FBXL19: variants seen among roughly 807,000 people sequenced by gnomAD.
The protein encoded by FBXL19 is F-box/LRR-repeat protein 19.
A neutral mutation model predicts 71.2 loss-of-function variants in FBXL19; 16 were observed. That is an observed-to-expected ratio of 0.22 (90% CI 0.15 to 0.34). The LOEUF (loss-of-function observed/expected upper bound fraction) is 0.34, where lower values mean the gene tolerates loss of function less well. FBXL19 is among the 10% of genes least tolerant of loss of function. The pLI is 1.00. For synonymous variants in FBXL19, 447 were observed against 409.4 expected (o/e 1.09, Z -1.11); for missense variants, 658 against 968.2 (o/e 0.68, Z 4.25).
At chr16:30,928,346 C>T (rs1207843729) in intron 5 of FBXL19, 121 bp from the exon 6 acceptor site, 2 of 1,092,184 alleles carry the variant, frequency 1.8e-6, no homozygotes, top group Non-Finnish European at 1.3e-6. Context: ...TCAGAGTTAT[C>T]CCTGGGACGG....
At chr16:30,935,939 T>C (rs1803970009) in intron 7 of FBXL19, among the ~76,000 whole-genome samples, 1 of 152,122 alleles carries the variant, frequency 6.6e-6, no homozygotes, top group Non-Finnish European at 1.5e-5. Context: ...ATTCTCCAGC[T>C]TAGAAAGAAC....
In FBXL19 at chr16:30,927,430, C is replaced by T; in HGVS notation, c.300C>T (p.Ile100=). 1 of 1,591,582 alleles carries T rather than the reference C, an allele frequency of 6.3e-7. No individual in the cohort carries two copies. The highest frequency in any genetic ancestry group is 8.6e-7 in the Non-Finnish European group (1 of 1,169,070). The change falls in exon 3 of 11, where the codon ATC becomes ATT. Residue 100 remains isoleucine, a synonymous_variant. Transcript: ENST00000338343. ...TGGAGTGTACAATCTGCAACGAGAT[C>T]GTCCACCCCGGCTGCCTGAAGGTGA... ...SLMECTICNE[I]VHPGCLKMGK... is the part of the protein sequence containing the mutation.
intron 1 of FBXL19, 130 bp downstream of exon 1, chr16:30,924,589 C>T (rs550547781): frequency 1.3e-5 from 17 of 1,354,696 alleles, no homozygotes; most frequent in African/African-American, 9.2e-5. Flanking sequence ...TCATCTCCAG[C>T]CCTCCTTCCT....
At chr16:30,939,899 C>A (rs180811532) in intron 7 of FBXL19, among the ~76,000 whole-genome samples, 208 of 151,852 alleles carry the variant, frequency 1.4e-3, no homozygotes, top group African/African-American at 4.8e-3. Context: ...CTTGGGAGGC[C>A]AAGGGAAGGA....
chr16:30,927,848 C>A lies in FBXL19; in HGVS notation c.512C>A (p.Pro171His). 1.3e-6 allele frequency: 2 copies of A among 1,543,090 alleles called. No homozygotes were observed. Among genetic ancestry groups the A allele is most frequent in the African/African-American group, 1.4e-5 (1 of 72,812 alleles). The part of the protein sequence containing the change: ...KLTEEPPLPP[P>H]PPRRKGPLPA... ...ACAGAGGAGCCACCGCTTCCACCGC[C>A]CCCGCCCAGGCGCAAGGGCCCCCTG... Residue 171 changes from proline to histidine, a missense_variant, in exon 5 of 11, where the codon CCC (proline) becomes CAC (histidine). Pro to His is a moderately conservative substitution (Grantham distance 77). Transcript: ENST00000338343.
intron 7 of FBXL19, among the ~76,000 whole-genome samples, chr16:30,939,804 G>A (rs2055781806): frequency 6.6e-6 from 1 of 152,066 alleles, no homozygotes; most frequent in Non-Finnish European, 1.5e-5. Flanking sequence ...CTGGAGCTTG[G>A]GAATCACTGC....
chr16:30,931,780 G>T (rs1325535665), intron 7 of FBXL19, among the ~76,000 whole-genome samples: 2 of 151,948 alleles, frequency 1.3e-5, no homozygotes, highest in East Asian at 3.9e-4. Context: ...AGGTTAGAGT[G>T]CAGTGGCATG....
intron 5 of FBXL19, 126 bp from the exon 6 acceptor site, chr16:30,928,341 G>A: frequency 9.4e-7 from 1 of 1,058,612 alleles, no homozygotes; most frequent in Non-Finnish European, 1.3e-6. Flanking sequence ...CATGCTCAGA[G>A]TTATCCCTGG....
In FBXL19 at chr16:30,947,661, C is replaced by T. The variant is rs2055876079; in HGVS notation, c.*431C>T. Reference sequence around the variant, plus strand: ...CACCAAGGGTTCAGGGAACAAAGACCAGTTACTTGGAGTGGGGGGTGGGGG... The same window carrying T: ...CACCAAGGGTTCAGGGAACAAAGACTAGTTACTTGGAGTGGGGGGTGGGGG... On this transcript the variant is annotated 3_prime_UTR_variant, in exon 11 of 11. Coordinates refer to ENST00000338343, the MANE Select transcript of FBXL19 (RefSeq NM_001382779.1). 3 of 296,164 alleles carry T rather than the reference C, an allele frequency of 1.0e-5. No individual in the cohort carries two copies. Among genetic ancestry groups the T allele is most frequent in the South Asian group, 7.1e-5 (3 of 42,240 alleles). The allele number at this position is 296,164 out of a possible 1,614,324, so 18.3% of individuals were successfully genotyped here.
chr16:30,945,605 G>T (rs925251183), intron 9 of FBXL19, among the ~76,000 whole-genome samples: 1 of 150,908 alleles, frequency 6.6e-6, no homozygotes, highest in Non-Finnish European at 1.5e-5. Flanking sequence ...GGAAGTTGCA[G>T]TGAGCCGAGA....
chr16:30,930,401 G>A lies in FBXL19; in HGVS notation c.1118G>A (p.Arg373Gln), dbSNP rs762326822. 3.0e-5 allele frequency: 46 copies of A among 1,529,042 alleles called. No individual in the cohort carries two copies. The highest frequency in any genetic ancestry group is 3.8e-5 in the Non-Finnish European group (43 of 1,143,194). 94.7% of individuals were successfully genotyped at this position (1,529,042 alleles called of 1,614,324 possible). A position where few individuals can be genotyped will look rare whatever the true frequency, so the allele number is the denominator to read the frequency against. ...CCCCTGGGCCCAGCCCCACCACCCC[G>A]GCCTCCACAGCTGGAGCGGCACGTG... ...SWPLGPAPPP[R>Q]PPQLERHVVR... Residue 373 changes from arginine (R) to glutamine (Q), a missense_variant, in exon 7 of 11, where the codon CGG becomes CAG. Around this residue, in one of 8 missense-constraint regions of FBXL19, gnomAD observed 447 missense variants for 515.4 expected, o/e 0.87. Transcript: ENST00000338343. This position sits in a 1 kb window ranked among gnomAD's most constrained non-coding sequence, Gnocchi z 8.5.
At position 30,942,527 on chromosome 16, in the gene FBXL19, A is replaced by G. The variant is rs942893402; in HGVS notation, c.1618A>G (p.Thr540Ala). 5.7e-6 allele frequency: 9 copies of G among 1,588,122 alleles called. No homozygotes were observed. Among genetic ancestry groups the G allele is most frequent in the Non-Finnish European group, 7.7e-6 (9 of 1,166,988 alleles). The change falls in exon 9 of 11, where the codon ACC (threonine) becomes GCC (alanine). Residue 540 changes from threonine to alanine, a missense_variant. By Grantham distance (58) the Thr-to-Ala change is moderately conservative. Coordinates refer to ENST00000338343, the MANE Select transcript of FBXL19 (RefSeq NM_001382779.1). The surrounding 1 kb of genome is among the most constrained non-coding windows in gnomAD (Gnocchi z 5.7). ...GGAGTTGCTGCTGCCTCCACCAGAC[A>G]CCAAACCAGGTGCAACCTCTGTTTG... Reference protein sequence around the residue: ...LRELLLPPPDTKPGQTESRGR... With the variant: ...LRELLLPPPDAKPGQTESRGR...
rs377586993 is a variant in FBXL19 at position 30,928,597 on chromosome 16, G to A, written c.758G>A (p.Cys253Tyr). Residue 253 changes from cysteine (C) to tyrosine (Y), a missense_variant, in exon 6 of 11, where the codon TGC becomes TAC. This residue lies in a region of FBXL19 where 447 missense variants were observed against 515.4 expected (regional missense o/e 0.87). Transcript: ENST00000338343. Reference protein sequence around the residue: ...VLNPSQAFSSCHPGLPPENWE... With the variant: ...VLNPSQAFSSYHPGLPPENWE... ...AATCCGAGCCAGGCTTTCTCATCCT[G>A]CCACCCTGGGCTCCCTCCCGAGAAC... 6.3e-7 allele frequency: 1 copy of A among 1,598,610 alleles called. No individual in the cohort carries two copies. The highest frequency in any genetic ancestry group is 1.1e-5 in the South Asian group (1 of 89,122).
At position 30,930,515 on chromosome 16, in the gene FBXL19, G is replaced by A. The variant is rs567132400; in HGVS notation, c.1232G>A (p.Arg411His). The change falls in exon 7 of 11, where the codon CGC becomes CAC. Residue 411 changes from arginine to histidine, a missense_variant. Coordinates refer to ENST00000338343, the MANE Select transcript of FBXL19 (RefSeq NM_001382779.1). The surrounding 1 kb of genome is among the most constrained non-coding windows in gnomAD (Gnocchi z 8.5). Reference protein sequence around the residue: ...DHPLPRAAWLRVFQHLGPREL... With the variant: ...DHPLPRAAWLHVFQHLGPREL... ...CCCCTGCCCCGGGCCGCCTGGCTTCGCGTCTTCCAGCACCTCGGGCCGCGG... is the reference window on the plus strand; with the variant it reads ...CCCCTGCCCCGGGCCGCCTGGCTTCACGTCTTCCAGCACCTCGGGCCGCGG... The A allele has an allele frequency of 9.7e-5, 148 of 1,523,462 alleles. No homozygotes were observed. In the South Asian group the frequency reaches 1.3e-3, roughly 13 times the overall value. The allele number at this position is 1,523,462 out of a possible 1,614,324, so 94.4% of individuals were successfully genotyped here.
chr16:30,930,062 T>C lies in FBXL19; in HGVS notation c.790-11T>C. The C allele has an allele frequency of 1.2e-6, 2 of 1,607,422 alleles. No individual in the cohort carries two copies. The highest frequency in any genetic ancestry group is 1.3e-5 in the African/African-American group (1 of 74,860). Reference sequence around the variant, plus strand: ...AGGCCCTAGAACAGCATCAACCCTGTCTCCCTGCAGAAACCAAAGCCGCCT... The same window carrying C: ...AGGCCCTAGAACAGCATCAACCCTGCCTCCCTGCAGAAACCAAAGCCGCCT... On this transcript the variant is annotated splice_polypyrimidine_tract_variant and intron_variant, in intron 6 of 10. Transcript: ENST00000338343. The surrounding 1 kb of genome is among the most constrained non-coding windows in gnomAD (Gnocchi z 8.5).
At position 30,942,056 on chromosome 16, in the gene FBXL19, G is replaced by C; in HGVS notation, c.1302-60G>C. The C allele has an allele frequency of 6.9e-7, 1 of 1,459,328 alleles. No homozygotes were observed. The highest frequency in any genetic ancestry group is 1.4e-5 in the African/African-American group (1 of 70,540). 90.4% of individuals were successfully genotyped at this position (1,459,328 alleles called of 1,614,324 possible). A position where few individuals can be genotyped will look rare whatever the true frequency, so the allele number is the denominator to read the frequency against. ...GCACCCTTGGAGCTGGGGAGCCTGGGAACTGTGGGCTGCTGAGAGCTGAGG... is the reference window on the plus strand; with the variant it reads ...GCACCCTTGGAGCTGGGGAGCCTGGCAACTGTGGGCTGCTGAGAGCTGAGG... On this transcript the variant is annotated intron_variant, in intron 7 of 10. Transcript: ENST00000338343. This position sits in a 1 kb window ranked among gnomAD's most constrained non-coding sequence, Gnocchi z 5.7.
chr16:30,940,740 C>G (rs1176932896), intron 7 of FBXL19, among the ~76,000 whole-genome samples: 1 of 151,972 alleles, frequency 6.6e-6, no homozygotes, highest in South Asian at 2.1e-4. Flanking sequence ...GATCTCGGCT[C>G]GCTGCAATCT....
chr16:30,929,811 C>G (rs1254693192), intron 6 of FBXL19, among the ~76,000 whole-genome samples: 3 of 152,230 alleles, frequency 2.0e-5, no homozygotes, highest in African/African-American at 7.2e-5. Context: ...GCCTCGGCCT[C>G]CCAGAGTGCT....
intron 6 of FBXL19, among the ~76,000 whole-genome samples, chr16:30,928,966 T>C (rs2055637502): frequency 6.6e-6 from 1 of 152,222 alleles, no homozygotes; most frequent in Non-Finnish European, 1.5e-5. Flanking sequence ...TTAGTTTCTT[T>C]ATCCATGTAG....
Sources: allele counts gnomAD v4.1 joint callset (sites outside exome capture counted in the v4.1 genomes callset), GRCh38; gene constraint gnomAD v4.1.1; regional missense constraint gnomAD v4.1.1; non-coding constraint Gnocchi (gnomAD v3.1); transcripts MANE v1.5; gene names NCBI Gene and HGNC (gene_info 2026-07-23, HGNC 2026-07-21).